C12orf42: variants seen among roughly 807,000 people sequenced by gnomAD.
The protein encoded by C12orf42 is uncharacterized protein C12orf42.
Under a neutral mutation model 21.6 loss-of-function variants are expected in C12orf42, and 25 were observed. The ratio of observed to expected loss-of-function variants is 1.16; its 90% CI spans 0.84 to 1.62. The LOEUF is 1.62. C12orf42 is among the 40% of genes most tolerant of loss of function. The pLI is 0.00. For missense variants in C12orf42, 483 were observed against 459.3 expected (o/e 1.05, Z -0.47); for synonymous variants, 174 against 175.0 (o/e 0.99, Z 0.05).
At chr12:103,194,753 C>A in the C12orf42 span, among the ~76,000 whole-genome samples, 1 of 152,086 alleles carries the variant, frequency 6.6e-6, no homozygotes, top group Non-Finnish European at 1.5e-5. Context: ...CCAAAGTGAT[C>A]TACAAATTAG....
intron 4 of C12orf42, among the ~76,000 whole-genome samples, chr12:103,322,316 T>C (rs532294212): frequency 3.8e-4 from 58 of 152,326 alleles, no homozygotes; most frequent in African/African-American, 1.4e-3. Flanking sequence ...TTGTGCAACT[T>C]GCACTCATAC....
chr12:103,283,727 C>T (rs2036272185), intron 4 of C12orf42, among the ~76,000 whole-genome samples: 2 of 152,180 alleles, frequency 1.3e-5, no homozygotes, highest in Admixed American at 6.5e-5. Context: ...CCCACTGGCA[C>T]AAAGCTCCTT....
At chr12:103,482,261 C>T (rs566198623) in intron 1 of C12orf42, among the ~76,000 whole-genome samples, 1 of 152,214 alleles carries the variant, frequency 6.6e-6, no homozygotes, top group African/African-American at 2.4e-5. Context: ...GGTAAACTCT[C>T]AGGTCTGTTT....
At chr12:103,280,991 A>C (rs1259636590) in intron 4 of C12orf42, among the ~76,000 whole-genome samples, 1 of 152,214 alleles carries the variant, frequency 6.6e-6, no homozygotes, top group Non-Finnish European at 1.5e-5. Flanking sequence ...GGTGAGAGGG[A>C]GGTAGATTAG....
intron 4 of C12orf42, among the ~76,000 whole-genome samples, chr12:103,327,465 C>T (rs1471031255): frequency 2.0e-5 from 3 of 152,070 alleles, no homozygotes; most frequent in African/African-American, 7.2e-5. Flanking sequence ...GTGGACCACA[C>T]TTGGAGAAAA....
chr12:103,429,934 T>C (rs1950139247), intron 2 of C12orf42, among the ~76,000 whole-genome samples: 1 of 152,180 alleles, frequency 6.6e-6, no homozygotes, highest in Non-Finnish European at 1.5e-5. Flanking sequence ...AAACTGAAAC[T>C]GAACCTCTTC....
chr12:103,462,976 G>C (rs1952840600), intron 2 of C12orf42, among the ~76,000 whole-genome samples: 1 of 152,210 alleles, frequency 6.6e-6, no homozygotes, highest in African/African-American at 2.4e-5. Context: ...CTATCTTTGT[G>C]TAATTCAGCA....
the C12orf42 span, among the ~76,000 whole-genome samples, chr12:103,525,814 G>A: frequency 2.0e-5 from 3 of 152,140 alleles, no homozygotes; most frequent in East Asian, 1.9e-4. Flanking sequence ...TGAATCACAA[G>A]GTCAGGAATT....
At chr12:103,132,017 G>T in the C12orf42 span, among the ~76,000 whole-genome samples, 1 of 152,252 alleles carries the variant, frequency 6.6e-6, no homozygotes. Context: ...ACTTCAAACC[G>T]TCTATCAAGA....
the C12orf42 span, among the ~76,000 whole-genome samples, chr12:103,519,978 G>A: frequency 6.6e-6 from 1 of 152,186 alleles, no homozygotes; most frequent in Admixed American, 6.5e-5. Context: ...GAACGAGATG[G>A]GCACCACAGG....
chr12:103,135,120 C>T, the C12orf42 span, among the ~76,000 whole-genome samples: 1 of 152,142 alleles, frequency 6.6e-6, no homozygotes, highest in Non-Finnish European at 1.5e-5. Context: ...CATGAAAACA[C>T]ACAAAAGTAT....
chr12:103,331,326 C>T (rs1229269217), intron 4 of C12orf42, among the ~76,000 whole-genome samples: 1 of 152,130 alleles, frequency 6.6e-6, no homozygotes, highest in Non-Finnish European at 1.5e-5. Flanking sequence ...ACCATAAAGT[C>T]AAAAAATTGT....
At chr12:103,069,779 G>A in the C12orf42 span, among the ~76,000 whole-genome samples, 1 of 152,122 alleles carries the variant, frequency 6.6e-6, no homozygotes, top group Non-Finnish European at 1.5e-5. Context: ...AGGCAAATTA[G>A]CATTGATTAC....
At chr12:103,070,791 T>C in the C12orf42 span, among the ~76,000 whole-genome samples, 1 of 152,160 alleles carries the variant, frequency 6.6e-6, no homozygotes, top group Non-Finnish European at 1.5e-5. Flanking sequence ...AGTCTTGCTA[T>C]GATTTTCTTT....
At chr12:103,455,025 T>C (rs1420182810) in intron 2 of C12orf42, among the ~76,000 whole-genome samples, 1 of 152,180 alleles carries the variant, frequency 6.6e-6, no homozygotes, top group Non-Finnish European at 1.5e-5. Context: ...AGTTAACACA[T>C]GTAAAGCAGT....
the C12orf42 span, among the ~76,000 whole-genome samples, chr12:103,543,481 T>C: frequency 6.6e-6 from 1 of 151,940 alleles, no homozygotes. Flanking sequence ...GACATGGTAG[T>C]GCATGCCTGT....
intron 2 of C12orf42, among the ~76,000 whole-genome samples, chr12:103,430,707 C>G (rs1323589142): frequency 6.6e-6 from 1 of 152,102 alleles, no homozygotes; most frequent in Non-Finnish European, 1.5e-5. Context: ...AGACTTGGAA[C>G]CAACCCAAAT....
At chr12:103,160,172 C>A in the C12orf42 span, among the ~76,000 whole-genome samples, 8 of 152,336 alleles carry the variant, frequency 5.3e-5, no homozygotes, top group Non-Finnish European at 7.3e-5. Context: ...AAAATTCCAT[C>A]ATTGATCCTT....
At chr12:103,386,051 C>G (rs2046584040) in intron 3 of C12orf42, among the ~76,000 whole-genome samples, 1 of 152,226 alleles carries the variant, frequency 6.6e-6, no homozygotes, top group African/African-American at 2.4e-5. Context: ...TCACATCTAA[C>G]TCACTTGATT....
Sources: gnomAD v4.1 joint callset for allele counts (sites outside exome capture counted in the v4.1 genomes callset) on GRCh38, gnomAD v4.1.1 for gene constraint, MANE v1.5 for transcripts, NCBI Gene and HGNC (gene_info 2026-07-23, HGNC 2026-07-21) for gene names.